Variants in MAS1 observed in about 807,000 individuals in gnomAD.
MAS1 encodes the protein proto-oncogene Mas.
For synonymous variants in MAS1, 163 were observed against 164.2 expected (o/e 0.99, Z 0.05); for missense variants, 387 against 409.7 (o/e 0.94, Z 0.48).
rs1489223491 is a variant in MAS1, at chr6:159,916,125, A to G, written c.*8192A>G. 6.6e-6 allele frequency: 1 copy of G among 152,256 alleles called. No individual in the cohort carries two copies. Among genetic ancestry groups the G allele is most frequent in the Non-Finnish European group, 1.5e-5 (1 of 68,058 alleles). 9.4% of individuals were successfully genotyped at this position (152,256 alleles called of 1,614,324 possible). A position where few individuals can be genotyped will look rare whatever the true frequency, so the allele number is the denominator to read the frequency against. ...GGAATTAAAGTAACCTACCCCACGA[A>G]GTAGCTGTGCCAAGTAAGTGAAATA... On this transcript the variant is annotated 3_prime_UTR_variant, in exon 3 of 3. Coordinates refer to ENST00000674077, the MANE Select transcript of MAS1 (RefSeq NM_002377.4).
rs745819582 is a variant in MAS1, at chr6:159,907,318, T to C, written c.363T>C (p.Tyr121=). ...TFLFGYNTGL[Y]LLTAISVERC... Reference sequence around the variant, plus strand: ...TGTTTGGCTACAACACGGGCCTCTATCTGCTGACGGCCATTAGTGTGGAGA... The same window carrying C: ...TGTTTGGCTACAACACGGGCCTCTACCTGCTGACGGCCATTAGTGTGGAGA... The change falls in exon 3 of 3, where the codon TAT becomes TAC. Residue 121 remains tyrosine (Y), a synonymous_variant. Transcript: ENST00000674077. 4.3e-6 allele frequency: 7 copies of C among 1,614,236 alleles called. No individual in the cohort carries two copies. Among genetic ancestry groups the C allele is most frequent in the Non-Finnish European group, 5.9e-6 (7 of 1,180,048 alleles).
Position 159,916,921 on chromosome 6 carries a change from A to G in MAS1, c.*8988A>G, listed in dbSNP as rs1435879160. Among the ~76,000 whole-genome samples, 1 of 152,276 alleles carries G rather than the reference A, an allele frequency of 6.6e-6. No homozygotes were observed. The highest frequency in any genetic ancestry group is 1.5e-5 in the Non-Finnish European group (1 of 68,054). ...AATTCATTATGGACACTAAAAATTG[A>G]ATTTCATGTAATTTTCATGTCATAG... On this transcript the variant is annotated 3_prime_UTR_variant, in exon 3 of 3. Coordinates refer to ENST00000674077, the MANE Select transcript of MAS1 (RefSeq NM_002377.4).
intron 2 of MAS1, among the ~76,000 whole-genome samples, chr6:159,905,914 C>T (rs541720974): frequency 1.1e-4 from 16 of 152,106 alleles, no homozygotes; most frequent in South Asian, 8.3e-4. Context: ...TTGTGGCACG[C>T]GCCTGTAGTC....
At chr6:159,897,081 A>G (rs1368501245) in intron 1 of MAS1, among the ~76,000 whole-genome samples, 1 of 152,048 alleles carries the variant, frequency 6.6e-6, no homozygotes, top group East Asian at 1.9e-4. Context: ...TCACCATGTT[A>G]GCCAGGATGG....
At chr6:159,903,161 G>A (rs964645513) in intron 2 of MAS1, among the ~76,000 whole-genome samples, 22 of 152,016 alleles carry the variant, frequency 1.4e-4, no homozygotes, top group African/African-American at 4.8e-4. Flanking sequence ...TGGGACCTCC[G>A]ATATGTAGCT....
rs1466627299 is a variant in MAS1 at position 159,916,426 on chromosome 6, C to G, written c.*8493C>G. ...AATGTTCTGGGGATCTATTGCACAA[C>G]AATGGACATGTAGCTAACCCCACTG... On this transcript the variant is annotated 3_prime_UTR_variant, in exon 3 of 3. Transcript: ENST00000674077. 1 of 152,120 alleles carries G rather than the reference C, an allele frequency of 6.6e-6. No homozygotes were observed. Among genetic ancestry groups the G allele is most frequent in the East Asian group, 1.9e-4 (1 of 5,198 alleles). The allele number at this position is 152,120 out of a possible 1,614,324, so 9.4% of individuals were successfully genotyped here. A position where few individuals can be genotyped will look rare whatever the true frequency, so the allele number is the denominator to read the frequency against.
At chr6:159,896,481 G>A (rs528323272) in intron 1 of MAS1, among the ~76,000 whole-genome samples, 8 of 152,276 alleles carry the variant, frequency 5.3e-5, no homozygotes, top group Admixed American at 2.0e-4. Context: ...AAAAACGAGC[G>A]TGTGTAAGAC....
At position 159,910,201 on chromosome 6, in the gene MAS1, G is replaced by A. The variant is rs1782949159; in HGVS notation, c.*2268G>A. The stretch of plus-strand genomic sequence containing the variant: ...GATAATGCCTGTCCTAACTGAACGG[G>A]AAGGGTTTGTAGCATTCCTACTACA... On this transcript the variant is annotated 3_prime_UTR_variant, in exon 3 of 3. Coordinates refer to ENST00000674077, the MANE Select transcript of MAS1 (RefSeq NM_002377.4). 6.6e-6 allele frequency: 1 copy of A among 152,228 alleles called. No individual in the cohort carries two copies. Among genetic ancestry groups the A allele is most frequent in the South Asian group, 2.1e-4 (1 of 4,836 alleles). The allele number at this position is 152,228 out of a possible 1,614,324, so 9.4% of individuals were successfully genotyped here.
At chr6:159,906,597 C>A (rs144960746) in intron 2 of MAS1, 325 of 195,480 alleles carry the variant, frequency 1.7e-3, no homozygotes, top group African/African-American at 6.2e-3. Context: ...AAATGGGTCC[C>A]GCACAGGGCA....
chr6:159,890,931 C>A (rs532148059), upstream of MAS1, among the ~76,000 whole-genome samples: 1 of 152,182 alleles, frequency 6.6e-6, no homozygotes, highest in Admixed American at 6.5e-5. Flanking sequence ...TGCTGATAAG[C>A]GTGGGACCAT....
At chr6:159,889,474 C>G (rs889171193), upstream of MAS1, among the ~76,000 whole-genome samples, 1 of 152,176 alleles carries the variant, frequency 6.6e-6, no homozygotes, top group Non-Finnish European at 1.5e-5. Flanking sequence ...TCATTTCCTT[C>G]GGGATCAATT....
Position 159,907,080 on chromosome 6 carries a change from T to A in MAS1, c.125T>A (p.Ile42Asn). ...ATCGTGCACTGGGTCATTATGAGCA[T>A]CTCCCCAGTGGGGTTTGTTGAGAAT... ...IPIVHWVIMS[I>N]SPVGFVENGI... The change falls in exon 3 of 3, where the codon ATC becomes AAC. Residue 42 changes from isoleucine to asparagine, a missense_variant. Coordinates refer to ENST00000674077, the MANE Select transcript of MAS1 (RefSeq NM_002377.4). 5 of 1,614,166 alleles carry A rather than the reference T, an allele frequency of 3.1e-6. No homozygotes were observed. The highest frequency in any genetic ancestry group is 4.2e-6 in the Non-Finnish European group (5 of 1,180,008).
chr6:159,894,628 T>C (rs897855330), intron 1 of MAS1, among the ~76,000 whole-genome samples: 2 of 152,022 alleles, frequency 1.3e-5, no homozygotes, highest in South Asian at 2.1e-4. Flanking sequence ...CATTCATGCA[T>C]TGGGGAGGGG....
upstream of MAS1, among the ~76,000 whole-genome samples, chr6:159,889,802 G>A (rs1393090991): frequency 2.0e-5 from 3 of 152,168 alleles, no homozygotes; most frequent in African/African-American, 7.2e-5. Flanking sequence ...CTGGCTTCAG[G>A]GGAAGCTCTC....
In MAS1 at chr6:159,907,675, C is replaced by T. The variant is rs774772519; in HGVS notation, c.720C>T (p.Phe240=). Reference sequence around the variant, plus strand: ...TCACCATCATTATATTCCTCATCTTCGCTATGCCCATGAGACTCCTTTACC... The same window carrying T: ...TCACCATCATTATATTCCTCATCTTTGCTATGCCCATGAGACTCCTTTACC... ...IMVTIIIFLI[F]AMPMRLLYLL... Residue 240 remains phenylalanine (F), a synonymous_variant, in exon 3 of 3, where the codon TTC becomes TTT. Transcript: ENST00000674077. The T allele has an allele frequency of 4.6e-5, 74 of 1,613,750 alleles. No homozygotes were observed. The highest frequency in any genetic ancestry group is 5.3e-5 in the Non-Finnish European group (63 of 1,179,994).
At chr6:159,889,628 T>C (rs1484486098), upstream of MAS1, among the ~76,000 whole-genome samples, 1 of 152,248 alleles carries the variant, frequency 6.6e-6, no homozygotes, top group South Asian at 2.1e-4. Context: ...GTTTCCTTTT[T>C]AGTTTCTGAC....
rs1782961264 is a variant in MAS1, at chr6:159,911,315, T to G, written c.*3382T>G. Reference sequence around the variant, plus strand: ...ATTTCCCCACCGTTTCTTTTTTCTTTTCTTTTCTTTTCCTTTTTTTTTTTT... The same window carrying G: ...ATTTCCCCACCGTTTCTTTTTTCTTGTCTTTTCTTTTCCTTTTTTTTTTTT... On this transcript the variant is annotated 3_prime_UTR_variant, in exon 3 of 3. Transcript: ENST00000674077. 6.5e-6 allele frequency: 1 copy of G among 153,456 alleles called. No individual in the cohort carries two copies. The highest frequency in any genetic ancestry group is 1.4e-5 in the Non-Finnish European group (1 of 69,802). The allele number at this position is 153,456 out of a possible 1,614,324, so 9.5% of individuals were successfully genotyped here.
In MAS1 at chr6:159,907,103, A is replaced by T. The variant is rs760153377; in HGVS notation, c.148A>T (p.Asn50Tyr). The T allele has an allele frequency of 2.8e-5, 46 of 1,614,190 alleles. No individual in the cohort carries two copies. The highest frequency in any genetic ancestry group is 3.9e-5 in the Non-Finnish European group (46 of 1,180,018). Residue 50 changes from asparagine (N) to tyrosine (Y), a missense_variant, in exon 3 of 3, where the codon AAT (asparagine) becomes TAT (tyrosine). By Grantham distance (143) the Asn-to-Tyr change is moderately radical. Coordinates refer to ENST00000674077, the MANE Select transcript of MAS1 (RefSeq NM_002377.4). The stretch of plus-strand genomic sequence containing the variant: ...CATCTCCCCAGTGGGGTTTGTTGAG[A>T]ATGGGATTCTCCTCTGGTTCCTGTG... ...MSISPVGFVE[N>Y]GILLWFLCFR...
intron 2 of MAS1, among the ~76,000 whole-genome samples, chr6:159,904,541 A>G (rs1782861649): frequency 6.6e-6 from 1 of 152,006 alleles, no homozygotes; most frequent in South Asian, 2.1e-4. Flanking sequence ...CTCTGCCACA[A>G]CCTGATTTAT....
Sources: gnomAD v4.1 joint callset for allele counts (sites outside exome capture counted in the v4.1 genomes callset) on GRCh38, gnomAD v4.1.1 for gene constraint, MANE v1.5 for transcripts, NCBI Gene and HGNC (gene_info 2026-07-23, HGNC 2026-07-21) for gene names.